The following GPHN variants were observed in gnomAD, a reference collection of about 807,000 sequenced individuals.
GPHN encodes gephyrin.
Under a neutral mutation model 95.5 loss-of-function variants are expected in GPHN, and 17 were observed. The ratio of observed to expected loss-of-function variants is 0.18; its 90% CI spans 0.12 to 0.27. GPHN has a LOEUF of 0.27. Ranked by LOEUF, GPHN falls within the 10% of genes least tolerant of loss-of-function variation. The pLI, the probability that GPHN is intolerant of heterozygous loss-of-function variation, is 1.00. For synonymous variants in GPHN, 320 were observed against 322.5 expected (o/e 0.99, Z 0.08); for missense variants, 660 against 978.1 (o/e 0.67, Z 4.34).
chr14:67,127,105 G>A (rs1224201343), intron 17 of GPHN, among the ~76,000 whole-genome samples: 49 of 125,830 alleles, frequency 3.9e-4, no homozygotes, highest in African/African-American at 1.4e-3. Context: ...GTGGGGTGGG[G>A]GGAGGGGGGA....
At chr14:67,056,689 G>A (rs566940292) in intron 10 of GPHN, among the ~76,000 whole-genome samples, 12 of 150,700 alleles carry the variant, frequency 8.0e-5, no homozygotes, top group South Asian at 4.1e-4. Context: ...CGCCAGGGCC[G>A]TGGGTGGAGC....
At chr14:67,515,496 C>G in the GPHN span, 111 of 156,910 alleles carry the variant, frequency 7.1e-4, 1 homozygote, top group Non-Finnish European at 1.1e-3. Context: ...GACAGGCGCT[C>G]GCCCTGCCGC....
At chr14:67,345,622 A>G in the GPHN span, 1 of 559,770 alleles carries the variant, frequency 1.8e-6, no homozygotes, top group African/African-American at 1.9e-5. Context: ...CACTTCAGAA[A>G]TCAAAATATT....
chr14:67,728,920 T>C, the GPHN span, among the ~76,000 whole-genome samples: 21 of 152,306 alleles, frequency 1.4e-4, no homozygotes, highest in Middle Eastern at 3.4e-3. Context: ...TTAGTAGTAC[T>C]AAAGCCACAG....
At chr14:67,508,483 G>A in the GPHN span, among the ~76,000 whole-genome samples, 1 of 152,072 alleles carries the variant, frequency 6.6e-6, no homozygotes, top group African/African-American at 2.4e-5. Flanking sequence ...CTGACCCCTT[G>A]CACACTGTTC....
chr14:66,633,672 G>A (rs1207784464), intron 1 of GPHN, among the ~76,000 whole-genome samples: 1 of 152,076 alleles, frequency 6.6e-6, no homozygotes, highest in South Asian at 2.1e-4. Context: ...ATATTTTTGG[G>A]TACGTATGTT....
chr14:66,852,758 A>G (rs923964800), intron 4 of GPHN, among the ~76,000 whole-genome samples: 3 of 152,340 alleles, frequency 2.0e-5, no homozygotes, highest in African/African-American at 7.2e-5. Flanking sequence ...AGTGCCTATC[A>G]ATGTTTTCAA....
At chr14:67,066,907 C>T (rs776764658) in intron 11 of GPHN, among the ~76,000 whole-genome samples, 11 of 152,084 alleles carry the variant, frequency 7.2e-5, no homozygotes, top group Non-Finnish European at 1.0e-4. Context: ...TTTGTTATTA[C>T]GGACCTTCTG....
chr14:67,338,836 T>A, the GPHN span: 3 of 1,401,996 alleles, frequency 2.1e-6, no homozygotes, highest in Non-Finnish European at 2.9e-6. Flanking sequence ...CTTTGAGTTT[T>A]GTAACAAGGA....
At chr14:67,642,793 C>CTTTTTTTTTTTTTTTTTTTTTTTTT in the GPHN span, among the ~76,000 whole-genome samples, 7 of 75,556 alleles carry the variant, frequency 9.3e-5, 2 homozygotes, top group African/African-American at 3.8e-4. Flanking sequence ...ACTACATTTT[C>CTTTTTTTTTTTTTTTTTTTTTTTTT]TTTTTTTTTT....
intron 1 of GPHN, among the ~76,000 whole-genome samples, chr14:66,537,015 A>G (rs1594866298): frequency 6.6e-6 from 1 of 152,038 alleles, no homozygotes; most frequent in Admixed American, 6.5e-5. Flanking sequence ...CTCTGGTAAT[A>G]TTTCTTGCCT....
intron 8 of GPHN, 105 bp downstream of exon 8, chr14:66,924,397 T>C (rs1255630541): frequency 1.1e-5 from 8 of 736,530 alleles, no homozygotes; most frequent in Admixed American, 6.0e-5. Context: ...TTTATTCTGA[T>C]GGATTTTCAG....
chr14:67,123,780 T>G (rs980660510), intron 17 of GPHN, among the ~76,000 whole-genome samples: 1 of 152,180 alleles, frequency 6.6e-6, no homozygotes, highest in African/African-American at 2.4e-5. Flanking sequence ...TTCATAAACT[T>G]TCTTAAAACA....
At chr14:66,996,147 A>G (rs746291783) in intron 9 of GPHN, 28 of 1,494,546 alleles carry the variant, frequency 1.9e-5, no homozygotes, top group Middle Eastern at 1.7e-4. Context: ...CCTCTTTAAC[A>G]GTGTTTTCTT....
intron 1 of GPHN, among the ~76,000 whole-genome samples, chr14:66,588,685 G>T (rs1165538732): frequency 6.6e-6 from 1 of 151,946 alleles, no homozygotes; most frequent in Non-Finnish European, 1.5e-5. Context: ...CAAGATTAGA[G>T]AAAAAAGAAT....
At chr14:66,670,260 A>G (rs1339835946) in intron 1 of GPHN, among the ~76,000 whole-genome samples, 1 of 152,006 alleles carries the variant, frequency 6.6e-6, no homozygotes, top group Non-Finnish European at 1.5e-5. Flanking sequence ...TTTGGCTAGG[A>G]TTGGTAGGAG....
chr14:67,124,508 A>G (rs999511029), intron 17 of GPHN, among the ~76,000 whole-genome samples: 1 of 152,234 alleles, frequency 6.6e-6, no homozygotes, highest in African/African-American at 2.4e-5. Flanking sequence ...ATCCTTTAAG[A>G]TACAAGTACT....
chr14:67,473,252 G>A, the GPHN span: 2 of 885,114 alleles, frequency 2.3e-6, no homozygotes, highest in Non-Finnish European at 3.4e-6. This position sits in a 1 kb window ranked among gnomAD's most constrained non-coding sequence, Gnocchi z 6.5. Context: ...CCTGACCACG[G>A]CCCCCCAACA....
Position 66,792,764 on chromosome 14 carries a change from G to A in GPHN, c.201+16243G>A, listed in dbSNP as rs140834796. ...TAAAGACACACAGAAATATAGAGAT[G>A]TGAAGTGGGAAATCAAGGGTCTCAC... On this transcript the variant is annotated intron_variant, in intron 3 of 22. Coordinates refer to ENST00000478722, the MANE Select transcript of GPHN (RefSeq NM_020806.5). Among the ~76,000 whole-genome samples the A allele has an allele frequency of 1.4e-4, 22 of 152,330 alleles. No individual in the cohort carries two copies. In the East Asian group the frequency reaches 4.2e-3, roughly 29 times the overall value.
Sources: allele counts gnomAD v4.1 joint callset (sites outside exome capture counted in the v4.1 genomes callset), GRCh38; gene constraint gnomAD v4.1.1; non-coding constraint Gnocchi (gnomAD v3.1); transcripts MANE v1.5; gene names NCBI Gene and HGNC (gene_info 2026-07-23, HGNC 2026-07-21).